The following XKR6 variants were observed in gnomAD, a reference collection of about 807,000 sequenced individuals.
The protein encoded by XKR6 is XK-related protein 6.
Under a neutral mutation model 56.7 loss-of-function variants are expected in XKR6, and 22 were observed. That is an observed-to-expected ratio of 0.39 (90% CI 0.28 to 0.55). The LOEUF (loss-of-function observed/expected upper bound fraction) is 0.55, where lower values mean the gene tolerates loss of function less well. Among genes scored for constraint, XKR6 ranks in the 20% least tolerant of loss-of-function variants. XKR6 has a pLI of 0.66. For synonymous variants in XKR6, 524 were observed against 387.8 expected, an observed-to-expected ratio of 1.35 and a Z score of -4.13; for missense variants, 852 against 889.0, an observed-to-expected ratio of 0.96 and a Z score of 0.53.
chr8:11,196,746 AG>A (rs1803911809), intron 1 of XKR6, among the ~76,000 whole-genome samples: 1 of 152,256 alleles, frequency 6.6e-6, no homozygotes, highest in East Asian at 1.9e-4. Context: ...TGTCCTCCCC[AG>A]GGAGTCTTCT....
chr8:11,052,153 C>T (rs1799565992), intron 1 of XKR6, among the ~76,000 whole-genome samples: 1 of 152,168 alleles, frequency 6.6e-6, no homozygotes, highest in South Asian at 2.1e-4. Flanking sequence ...CTTCCACTCT[C>T]CAAGCAGGTT....
chr8:10,918,562 T>C (rs572612956), intron 2 of XKR6, among the ~76,000 whole-genome samples: 2 of 152,336 alleles, frequency 1.3e-5, no homozygotes, highest in East Asian at 3.9e-4. Flanking sequence ...TCCTCCAGAC[T>C]CAGCCACAGC....
chr8:11,160,945 T>TAAAAAA (rs1801776629), intron 1 of XKR6, among the ~76,000 whole-genome samples: 1 of 135,780 alleles, frequency 7.4e-6, no homozygotes, highest in Non-Finnish European at 1.6e-5. Flanking sequence ...AAAAAAAGGG[T>TAAAAAA]TCACACATTC....
chr8:10,904,855 T>C (rs1040449553), intron 2 of XKR6, among the ~76,000 whole-genome samples: 2 of 152,154 alleles, frequency 1.3e-5, no homozygotes, highest in Non-Finnish European at 2.9e-5. Context: ...ACTGCAGGAA[T>C]GTGTTTTGCA....
chr8:11,165,405 G>C (rs1256224657), intron 1 of XKR6, among the ~76,000 whole-genome samples: 1 of 151,930 alleles, frequency 6.6e-6, no homozygotes, highest in Non-Finnish European at 1.5e-5. Flanking sequence ...GCTGGCTATC[G>C]CTATTTTAAG....
chr8:10,908,998 C>G (rs1009443077), intron 2 of XKR6, among the ~76,000 whole-genome samples: 1 of 152,164 alleles, frequency 6.6e-6, no homozygotes, highest in Non-Finnish European at 1.5e-5. Context: ...AACCGCATCT[C>G]TACTAAAAAT....
chr8:10,982,908 T>G (rs1797766774), intron 1 of XKR6, among the ~76,000 whole-genome samples: 1 of 152,214 alleles, frequency 6.6e-6, no homozygotes, highest in Admixed American at 6.5e-5. Context: ...CTGGCTCCAC[T>G]GGGACCCCAT....
At chr8:10,936,635 T>G (rs1295861861) in intron 1 of XKR6, among the ~76,000 whole-genome samples, 2 of 10,446 alleles carry the variant, frequency 1.9e-4, no homozygotes, top group Non-Finnish European at 4.3e-4. Context: ...GTCTGTAAAG[T>G]ATTTTATTTC....
chr8:11,127,404 T>C (rs539627841), intron 1 of XKR6, among the ~76,000 whole-genome samples: 8 of 152,334 alleles, frequency 5.3e-5, no homozygotes, highest in African/African-American at 1.7e-4. Flanking sequence ...TGTAACAAAT[T>C]ACAATTACAA....
intron 2 of XKR6, among the ~76,000 whole-genome samples, chr8:10,904,593 G>C (rs1420418339): frequency 1.3e-5 from 2 of 152,168 alleles, no homozygotes; most frequent in African/African-American, 2.4e-5. Context: ...TGAGGCAGGA[G>C]AGCAAGGAGG....
At chr8:11,035,995 G>C (rs1200500895) in intron 1 of XKR6, among the ~76,000 whole-genome samples, 1 of 142,374 alleles carries the variant, frequency 7.0e-6, no homozygotes, top group East Asian at 2.0e-4. Context: ...CTAGGCAGGA[G>C]TGCAGTGGTG....
At chr8:11,150,114 G>A (rs115796887) in intron 1 of XKR6, among the ~76,000 whole-genome samples, 71 of 152,232 alleles carry the variant, frequency 4.7e-4, no homozygotes, top group African/African-American at 1.7e-3. Flanking sequence ...AAGACAGGAT[G>A]GCTAATGGAT....
At chr8:11,142,160 G>C (rs1020834174) in intron 1 of XKR6, among the ~76,000 whole-genome samples, 50 of 152,242 alleles carry the variant, frequency 3.3e-4, no homozygotes, top group African/African-American at 1.1e-3. Context: ...GGAAGGCACA[G>C]AAGCAATGAT....
intron 1 of XKR6, among the ~76,000 whole-genome samples, chr8:10,986,698 T>C (rs973296285): frequency 2.6e-5 from 4 of 152,316 alleles, no homozygotes; most frequent in South Asian, 4.1e-4. Context: ...ATCTAGACAA[T>C]ATTCCTTTTA....
chr8:11,059,096 A>AG (rs61475470), intron 1 of XKR6, among the ~76,000 whole-genome samples: 62,190 of 152,044 alleles, frequency 0.41, 16,544 homozygotes, highest in African/African-American at 0.77. Flanking sequence ...ATCCAATCCC[A>AG]GGCCTCCTAT....
At chr8:11,022,892 G>A (rs1053141140) in intron 1 of XKR6, among the ~76,000 whole-genome samples, 7 of 152,038 alleles carry the variant, frequency 4.6e-5, no homozygotes, top group Non-Finnish European at 1.0e-4. Context: ...GGTCCTCCAC[G>A]TCCCAGGGCA....
chr8:11,010,875 G>C (rs1009997605), intron 1 of XKR6, among the ~76,000 whole-genome samples: 3 of 152,042 alleles, frequency 2.0e-5, no homozygotes, highest in African/African-American at 7.2e-5. Flanking sequence ...GTATGAGTGG[G>C]GCTGAAGACT....
chr8:11,099,365 T>TA (rs1224523160), intron 1 of XKR6, among the ~76,000 whole-genome samples: 3 of 152,240 alleles, frequency 2.0e-5, no homozygotes, highest in Non-Finnish European at 4.4e-5. Flanking sequence ...AAAACATTTT[T>TA]AAAAGATGAT....
chr8:11,180,612 G>C (rs1410406920), intron 1 of XKR6, among the ~76,000 whole-genome samples: 1 of 152,210 alleles, frequency 6.6e-6, no homozygotes, highest in African/African-American at 2.4e-5. Flanking sequence ...GAAATACAAA[G>C]TTGTCATGAC....
Sources: allele counts gnomAD v4.1 joint callset (sites outside exome capture counted in the v4.1 genomes callset), GRCh38; gene constraint gnomAD v4.1.1; transcripts MANE v1.5; gene names NCBI Gene and HGNC (gene_info 2026-07-23, HGNC 2026-07-21).